CPQ: variants seen among roughly 807,000 people sequenced by gnomAD.
The protein encoded by CPQ is Ser-Met dipeptidase.
Under a neutral mutation model 45.7 loss-of-function variants are expected in CPQ, and 37 were observed. The ratio of observed to expected loss-of-function variants is 0.81; its 90% CI spans 0.62 to 1.07. The LOEUF (loss-of-function observed/expected upper bound fraction) is 1.07. Ranked by LOEUF, CPQ falls within the 50% of genes least tolerant of loss-of-function variation. The pLI is 0.00. For missense variants in CPQ, 537 were observed against 572.9 expected (o/e 0.94, Z 0.64); for synonymous variants, 186 against 205.8 (o/e 0.90, Z 0.82).
intron 7 of CPQ, among the ~76,000 whole-genome samples, chr8:97,140,333 A>G (rs948774909): frequency 1.3e-5 from 2 of 151,614 alleles, no homozygotes; most frequent in African/African-American, 4.8e-5. Context: ...GGAAATAAAT[A>G]ATTCTAATCT....
intron 1 of CPQ, among the ~76,000 whole-genome samples, chr8:96,719,457 C>T (rs34031465): frequency 2.0e-5 from 3 of 152,198 alleles, no homozygotes; most frequent in Non-Finnish European, 4.4e-5. Context: ...GGTTGCCACT[C>T]GCGCCTCTCC....
chr8:96,783,276 T>C lies in CPQ; in HGVS notation c.-34-1588T>C, dbSNP rs912873382. Among the ~76,000 whole-genome samples, 11 of 152,224 alleles carry C rather than the reference T, an allele frequency of 7.2e-5. No individual in the cohort carries two copies. The East Asian group carries it at 1.7e-3, about 24-fold the overall frequency. On this transcript the variant is annotated intron_variant, in intron 1 of 7. Transcript: ENST00000220763. ...AGTTGTGTGAGTGTGTGTGTGTGTG[T>C]GTGTGTGTGCTGCTTTAACAGAATA...
rs996364424 is a variant in CPQ at position 96,989,720 on chromosome 8, T to C, written c.961+23674T>C. 2.6e-5 allele frequency among the ~76,000 whole-genome samples: 4 copies of C among 152,140 alleles called. No individual in the cohort carries two copies. In the South Asian group the frequency reaches 8.3e-4, roughly 32 times the overall value. ...ATATTCCTATTTGTTCTTTTTGTTA[T>C]TGGTTCTCTGTCTCCCCCTGAACCT... On this transcript the variant is annotated intron_variant, in intron 5 of 7. Coordinates refer to ENST00000220763, the MANE Select transcript of CPQ (RefSeq NM_016134.4).
intron 7 of CPQ, among the ~76,000 whole-genome samples, chr8:97,079,053 C>A (rs1370667542): frequency 5.9e-5 from 9 of 152,098 alleles, no homozygotes; most frequent in Admixed American, 5.9e-4. Context: ...GTCCTCCCAC[C>A]TCGGCTGCCC....
At chr8:96,835,212 A>G (rs1216353439) in intron 3 of CPQ, 32 bp downstream of exon 3, 3 of 1,400,428 alleles carry the variant, frequency 2.1e-6, no homozygotes, top group East Asian at 2.6e-5. Context: ...AATTCCTTTC[A>G]AAAACAAGGG....
chr8:96,965,610 C>A (rs1813542659), intron 4 of CPQ, among the ~76,000 whole-genome samples: 2 of 152,042 alleles, frequency 1.3e-5, no homozygotes, highest in Non-Finnish European at 2.9e-5. Flanking sequence ...ACCTCGTGAT[C>A]CACCCGCCTC....
At chr8:96,729,566 A>G (rs1020790109) in intron 1 of CPQ, among the ~76,000 whole-genome samples, 6 of 152,210 alleles carry the variant, frequency 3.9e-5, no homozygotes, top group African/African-American at 7.2e-5. Flanking sequence ...ATGAATGTCC[A>G]TATACACATC....
chr8:97,014,197 G>A (rs1434870155), intron 5 of CPQ, among the ~76,000 whole-genome samples: 1 of 152,188 alleles, frequency 6.6e-6, no homozygotes, highest in Non-Finnish European at 1.5e-5. Flanking sequence ...GATAGCCACA[G>A]TAGGAATGTA....
At chr8:96,759,207 G>T (rs941054054) in intron 1 of CPQ, among the ~76,000 whole-genome samples, 63 of 152,084 alleles carry the variant, frequency 4.1e-4, no homozygotes, top group African/African-American at 1.3e-3. Context: ...TGCTCACCTT[G>T]CTCCATCCCT....
intron 1 of CPQ, among the ~76,000 whole-genome samples, chr8:96,772,280 A>C (rs1163460165): frequency 6.6e-6 from 1 of 152,096 alleles, no homozygotes; most frequent in Non-Finnish European, 1.5e-5. Context: ...GCTAAATTTA[A>C]GAGCACTTAC....
chr8:97,132,721 C>A (rs1320023149), intron 7 of CPQ: 1 of 152,144 alleles, frequency 6.6e-6, no homozygotes, highest in Non-Finnish European at 1.5e-5. Context: ...TGAATGTTCT[C>A]ATGGTGTGCT....
chr8:96,878,756 T>C (rs1812181383), intron 3 of CPQ, among the ~76,000 whole-genome samples: 1 of 152,236 alleles, frequency 6.6e-6, no homozygotes, highest in South Asian at 2.1e-4. Context: ...AGCTATCATC[T>C]GTTGGAGAGA....
At chr8:96,994,718 G>A (rs1809149447) in intron 5 of CPQ, among the ~76,000 whole-genome samples, 1 of 152,004 alleles carries the variant, frequency 6.6e-6, no homozygotes, top group African/African-American at 2.4e-5. Context: ...GTTTGTCTGG[G>A]ACAGTCCCAA....
chr8:96,994,744 C>T (rs976750964), intron 5 of CPQ, among the ~76,000 whole-genome samples: 3 of 152,008 alleles, frequency 2.0e-5, no homozygotes, highest in Non-Finnish European at 4.4e-5. Flanking sequence ...TCCTGTTGAC[C>T]TAGAGTAATT....
At chr8:96,651,399 G>A (rs1815574532) in intron 1 of CPQ, among the ~76,000 whole-genome samples, 1 of 152,218 alleles carries the variant, frequency 6.6e-6, no homozygotes, top group African/African-American at 2.4e-5. Flanking sequence ...AGCAAAGACT[G>A]TTATATTAGA....
At chr8:97,140,367 T>TA (rs58477893) in intron 7 of CPQ, among the ~76,000 whole-genome samples, 41,781 of 151,182 alleles carry the variant, frequency 0.28, 6,766 homozygotes, top group East Asian at 0.62. Flanking sequence ...CCAGAATGTA[T>TA]AAAAAAAAGA....
intron 1 of CPQ, among the ~76,000 whole-genome samples, chr8:96,671,374 A>G (rs1270468539): frequency 6.6e-6 from 1 of 152,228 alleles, no homozygotes; most frequent in East Asian, 1.9e-4. Flanking sequence ...CATAATTCTC[A>G]TCTTTCAAAA....
At chr8:96,819,297 G>T (rs1811271057) in intron 2 of CPQ, among the ~76,000 whole-genome samples, 1 of 152,068 alleles carries the variant, frequency 6.6e-6, no homozygotes, top group Admixed American at 6.6e-5. Flanking sequence ...GCTCCATCAA[G>T]TTCAAAACAC....
intron 1 of CPQ, among the ~76,000 whole-genome samples, chr8:96,687,558 CT>C (rs574824706): frequency 7.9e-5 from 12 of 152,114 alleles, no homozygotes; most frequent in South Asian, 6.2e-4. Flanking sequence ...TTATTAATTT[CT>C]TTTTTTCTAT....
Sources: allele counts gnomAD v4.1 joint callset (sites outside exome capture counted in the v4.1 genomes callset), GRCh38; gene constraint gnomAD v4.1.1; transcripts MANE v1.5; gene names NCBI Gene and HGNC (gene_info 2026-07-23, HGNC 2026-07-21).